The following NBPF14 variants were observed in gnomAD, a reference collection of about 807,000 sequenced individuals.
NBPF14 encodes NBPF family member NBPF14.
In NBPF14, 104 loss-of-function variants were observed where a neutral mutation model predicts 91.2. That is an observed-to-expected ratio of 1.14 (90% CI 0.97 to 1.34). NBPF14 has a LOEUF of 1.34. Ranked by LOEUF, NBPF14 falls within the 40% of genes most tolerant of loss-of-function variation. NBPF14 has a pLI of 0.00. For synonymous variants in NBPF14, 294 were observed against 303.8 expected (o/e 0.97, Z 0.34); for missense variants, 908 against 783.0 (o/e 1.16, Z -1.91).
chr1:148,585,754 C>T (rs1466277202), intron 9 of NBPF14, among the ~76,000 whole-genome samples: 39 of 148,462 alleles, frequency 2.6e-4, no homozygotes, highest in Admixed American at 7.4e-4. Flanking sequence ...CAACATCACA[C>T]GGCAAGGGCC....
At chr1:148,534,472 G>A (rs1207538698) in intron 69 of NBPF14, among the ~76,000 whole-genome samples, 8 of 151,748 alleles carry the variant, frequency 5.3e-5, no homozygotes, top group Non-Finnish European at 1.2e-4. Context: ...CACAGGTATG[G>A]CCTGAGACTA....
chr1:148,572,328 G>A (rs1659222393), intron 21 of NBPF14, 115 bp downstream of exon 21: 2 of 262,520 alleles, frequency 7.6e-6, no homozygotes, highest in Non-Finnish European at 1.3e-5. Context: ...GCGCCCATAG[G>A]TCCTGCCTGC....
At chr1:148,534,507 C>T (rs1654609777) in intron 69 of NBPF14, among the ~76,000 whole-genome samples, 177 bp downstream of exon 69, 1 of 151,800 alleles carries the variant, frequency 6.6e-6, no homozygotes, top group South Asian at 2.1e-4. Flanking sequence ...CTCACTGACC[C>T]ATTTCATGTC....
intron 69 of NBPF14, among the ~76,000 whole-genome samples, chr1:148,534,301 C>T (rs1197035852): frequency 7.5e-4 from 114 of 151,884 alleles, no homozygotes; most frequent in African/African-American, 2.5e-3. Flanking sequence ...CAATATTTAG[C>T]CCTGTCTCAT....
At chr1:148,592,754 G>A in exon 4 of NBPF14, 8 of 1,583,584 alleles carry the variant, frequency 5.1e-6, no homozygotes, top group African/African-American at 1.4e-5. Context: ...AGTGAACCAG[G>A]ACTTTATATT....
chr1:148,559,660 A>C (rs1657330636), intron 37 of NBPF14, 133 bp downstream of exon 37: 1 of 605,966 alleles, frequency 1.7e-6, no homozygotes. Flanking sequence ...AGTTTCATTC[A>C]ACCTACATGT....
intron 3 of NBPF14, 23 bp from the exon 4 acceptor site, chr1:148,592,789 A>C: frequency 2.6e-6 from 4 of 1,510,432 alleles, no homozygotes; most frequent in Non-Finnish European, 3.7e-6. Context: ...GGTAGAGAAA[A>C]TTTAAGAGTA....
chr1:148,559,878 A>G, exon 37 of NBPF14: 1 of 1,393,544 alleles, frequency 7.2e-7, no homozygotes, highest in Non-Finnish European at 9.8e-7. Flanking sequence ...CAGTCAGTTC[A>G]AGACAACCTG....
chr1:148,566,422 G>A, intron 28 of NBPF14, 107 bp from the exon 29 acceptor site: 1 of 610,210 alleles, frequency 1.6e-6, no homozygotes, highest in Admixed American at 2.9e-5. Flanking sequence ...AAACTAAAAG[G>A]ATAGATCCAT....
intron 10 of NBPF14, 99 bp downstream of exon 10, chr1:148,585,042 G>A (rs1661285638): frequency 9.3e-6 from 7 of 750,388 alleles, no homozygotes; most frequent in Middle Eastern, 3.9e-4. Flanking sequence ...CCAAGCGAAT[G>A]CGGGTTTTTG....
chr1:148,533,275 G>C (rs781901047), intron 70 of NBPF14, 27 bp from the exon 71 acceptor site: 4 of 599,102 alleles, frequency 6.7e-6, no homozygotes, highest in Non-Finnish European at 1.0e-5. Context: ...AACTAAAGAA[G>C]CAGCCAGGGA....
chr1:148,533,841 C>G lies in NBPF14; in HGVS notation c.8723+20G>C, dbSNP rs1335122890. 2.6e-6 allele frequency: 2 copies of G among 766,154 alleles called. No individual in the cohort carries two copies. Among genetic ancestry groups the G allele is most frequent in the South Asian group, 1.3e-5 (1 of 74,518 alleles). 47.5% of individuals were successfully genotyped at this position (766,154 alleles called of 1,614,324 possible). ...CAGGAGTTAACACAGAACTAAGGAT[C>G]CACAATTGCTGAAAGTCACCTGGGG... is the stretch of plus-strand genomic sequence containing the variant. On this transcript the variant is annotated intron_variant, in intron 70 of 70. Coordinates refer to ENST00000619423, the Ensembl canonical transcript of NBPF14.
At chr1:148,561,850 G>C (rs1256796124) in intron 34 of NBPF14, among the ~76,000 whole-genome samples, 1 of 135,188 alleles carries the variant, frequency 7.4e-6, no homozygotes, top group South Asian at 2.3e-4. Flanking sequence ...GAGAGAGAAC[G>C]AGCTCAGTGA....
intron 3 of NBPF14, among the ~76,000 whole-genome samples, chr1:148,593,105 C>T (rs2149585900): frequency 6.8e-6 from 1 of 147,640 alleles, no homozygotes; most frequent in Admixed American, 6.7e-5. Context: ...ACACATAGTG[C>T]ATCTTGCGGC....
chr1:148,534,460 GC>G (rs1243303035), intron 69 of NBPF14, among the ~76,000 whole-genome samples: 1 of 151,686 alleles, frequency 6.6e-6, no homozygotes, highest in East Asian at 1.9e-4. Flanking sequence ...GGATCAGGGC[GC>G]CACAGGTATG....
chr1:148,531,534 G>A (rs1453976569), exon 71 of NBPF14: 1 of 35,732 alleles, frequency 2.8e-5, no homozygotes, highest in African/African-American at 1.3e-4. Context: ...ATTAACTTTG[G>A]ACAAAAATTA....
chr1:148,568,825 A>T (rs1570967246), intron 25 of NBPF14, among the ~76,000 whole-genome samples: 10 of 137,060 alleles, frequency 7.3e-5, no homozygotes, highest in Admixed American at 1.5e-4. Context: ...TTTAAAGCAA[A>T]TGCCCCCAAA....
rs1202002121 is a variant in NBPF14 at position 148,592,767 on chromosome 1, C to T, written c.279-1G>A. 3.0e-5 allele frequency: 47 copies of T among 1,576,580 alleles called. 1 individual carries two copies. The East Asian group carries it at 6.7e-4, about 22-fold the overall frequency. Reference sequence around the variant, plus strand: ...AGAGTGAACCAGGACTTTATATTGCCTAAGGTGAGACGGTAGAGAAAATTT... The same window carrying T: ...AGAGTGAACCAGGACTTTATATTGCTTAAGGTGAGACGGTAGAGAAAATTT... On this transcript the variant is annotated splice_acceptor_variant, in intron 3 of 70. Coordinates refer to ENST00000619423, the Ensembl canonical transcript of NBPF14. LOFTEE classifies it high-confidence loss of function.
At chr1:148,532,253 C>T (rs1275573634) in exon 71 of NBPF14, 1 of 151,624 alleles carries the variant, frequency 6.6e-6, no homozygotes, top group East Asian at 2.0e-4. Flanking sequence ...GAAACTCAGG[C>T]TAAGCGTTTT....
Sources: gnomAD v4.1 joint callset for allele counts (sites outside exome capture counted in the v4.1 genomes callset) on GRCh38, gnomAD v4.1.1 for gene constraint, MANE v1.5 for transcripts, NCBI Gene and HGNC (gene_info 2026-07-23, HGNC 2026-07-21) for gene names.